NUDT14: variants seen among roughly 807,000 people sequenced by gnomAD.
NUDT14 encodes uridine diphosphate glucose pyrophosphatase NUDT14.
Under a neutral mutation model 17.5 loss-of-function variants are expected in NUDT14, and 22 were observed. The observed-to-expected ratio is 1.26, with a 90% CI of 0.90 to 1.80. NUDT14 has a LOEUF of 1.80. Ranked by LOEUF, NUDT14 falls within the 40% of genes most tolerant of loss-of-function variation. The pLI, the probability that NUDT14 is intolerant of heterozygous loss-of-function variation, is 0.00. For missense variants in NUDT14, 296 were observed against 295.6 expected (o/e 1.00, Z -0.01); for synonymous variants, 129 against 125.8 (o/e 1.03, Z -0.17).
At chr14:105,175,232 C>T (rs1359834003) in intron 4 of NUDT14, among the ~76,000 whole-genome samples, 1 of 152,214 alleles carries the variant, frequency 6.6e-6, no homozygotes, top group Non-Finnish European at 1.5e-5. Flanking sequence ...AAGGGGACTC[C>T]AGCCCCTCCC....
rs1227721081 is a variant in NUDT14 at position 105,176,346 on chromosome 14, A to T, written c.428+188T>A. On this transcript the variant is annotated intron_variant, in intron 4 of 4. Transcript: ENST00000392568. ...GGGGCATGGGGCCGAGACGCTGCAGAGAGAGCCCCAAGAGCCCAGATTCTG... is the reference window on the plus strand; with the variant it reads ...GGGGCATGGGGCCGAGACGCTGCAGTGAGAGCCCCAAGAGCCCAGATTCTG... The T allele has an allele frequency of 7.1e-5, 44 of 620,886 alleles. No homozygotes were observed. The East Asian group carries it at 1.2e-3, about 17-fold the overall frequency. The allele number at this position is 620,886 out of a possible 1,614,324, so 38.5% of individuals were successfully genotyped here.
intron 4 of NUDT14, among the ~76,000 whole-genome samples, chr14:105,174,515 C>T (rs1011158658): frequency 1.3e-5 from 2 of 152,160 alleles, no homozygotes; most frequent in African/African-American, 2.4e-5. Flanking sequence ...TTCCATGCCC[C>T]ACCCCCAAGG....
Position 105,173,199 on chromosome 14 carries a change from TG to T in NUDT14, c.490del (p.Gln164SerfsTer65). The T allele has an allele frequency of 1.2e-6, 2 of 1,609,724 alleles. No homozygotes were observed. The highest frequency in any genetic ancestry group is 1.7e-6 in the Non-Finnish European group (2 of 1,178,674). ...CAGGCCCCCACCTGGACCGCTACGC[TG>T]GGCATCTGTCACCTCTGTGTAGAAC... The part of the protein sequence containing the change: ...TMFYTEVTDA[Q>X]RSGPGGGLVE... On this transcript the variant is annotated frameshift_variant, in exon 5 of 5. Transcript: ENST00000392568. LOFTEE classifies it low-confidence loss of function (END_TRUNC). This position sits in a 1 kb window ranked among gnomAD's most constrained non-coding sequence, Gnocchi z 4.7.
chr14:105,178,074 ATGGAGGCTCG>A (rs1674786391), intron 1 of NUDT14, among the ~76,000 whole-genome samples: 1 of 152,090 alleles, frequency 6.6e-6, no homozygotes, highest in South Asian at 2.1e-4. Flanking sequence ...AGGAAGGCTC[ATGGAGGCTCG>A]GGGAGGGCAG....
At chr14:105,176,038 C>T (rs1889205445) in intron 4 of NUDT14, 2 of 1,213,240 alleles carry the variant, frequency 1.6e-6, no homozygotes, top group Non-Finnish European at 2.1e-6. Context: ...GGAAGGCAAC[C>T]CCACCCCAGC....
chr14:105,175,658 C>T (rs1244589895), intron 4 of NUDT14: 1 of 960,472 alleles, frequency 1.0e-6, no homozygotes, highest in Admixed American at 6.1e-5. Flanking sequence ...CCTCGGCCTC[C>T]CAAAGTGCTG....
chr14:105,178,541 G>A (rs918289054), intron 1 of NUDT14, among the ~76,000 whole-genome samples: 4 of 152,168 alleles, frequency 2.6e-5, no homozygotes, highest in Non-Finnish European at 5.9e-5. Context: ...TGGGCCTGCT[G>A]GGGGAGGCTG....
At chr14:105,180,692 C>T (rs1371802688) in intron 1 of NUDT14, among the ~76,000 whole-genome samples, 2 of 152,204 alleles carry the variant, frequency 1.3e-5, no homozygotes, top group Admixed American at 6.5e-5. Flanking sequence ...TCACTCAGCT[C>T]CTTCTCCTAC....
intron 1 of NUDT14, among the ~76,000 whole-genome samples, chr14:105,179,100 C>A (rs587689961): frequency 1.3e-5 from 2 of 152,268 alleles, no homozygotes; most frequent in Admixed American, 1.3e-4. Context: ...TGCTTCCCCC[C>A]GAGTAACATC....
At chr14:105,177,109 C>A in intron 2 of NUDT14, 82 bp from the exon 3 acceptor site, 2 of 1,345,748 alleles carry the variant, frequency 1.5e-6, no homozygotes, top group Middle Eastern at 1.8e-4. Context: ...CTGTTCCCAG[C>A]GTGGCCATCC....
intron 4 of NUDT14, among the ~76,000 whole-genome samples, chr14:105,174,674 G>A (rs1889174099): frequency 6.6e-6 from 1 of 152,164 alleles, no homozygotes; most frequent in Admixed American, 6.5e-5. Flanking sequence ...GGCGGGTCTG[G>A]GGTTTCCAGC....
intron 4 of NUDT14, 36 bp downstream of exon 4, chr14:105,176,498 G>A: frequency 6.5e-7 from 1 of 1,533,800 alleles, no homozygotes; most frequent in Non-Finnish European, 9.0e-7. Context: ...CATCTCCTGA[G>A]TCACACCACA....
chr14:105,177,370 C>T lies in NUDT14; in HGVS notation c.125+322G>A, dbSNP rs1374703311. The T allele has an allele frequency of 1.6e-5, 9 of 549,816 alleles. No homozygotes were observed. The Admixed American group carries it at 2.7e-4, about 16-fold the overall frequency. The allele number at this position is 549,816 out of a possible 1,614,324, so 34.1% of individuals were successfully genotyped here. ...TCACTGAGCAGCTGCCCACCAGCCA[C>T]ACTCCTCGAGCCACGTCGCCATCCA... On this transcript the variant is annotated intron_variant, in intron 2 of 4. Coordinates refer to ENST00000392568, the MANE Select transcript of NUDT14 (RefSeq NM_177533.5).
chr14:105,174,394 C>T (rs942002169), intron 4 of NUDT14, among the ~76,000 whole-genome samples: 14 of 152,058 alleles, frequency 9.2e-5, no homozygotes, highest in African/African-American at 2.9e-4. Flanking sequence ...CCTGGCTCGC[C>T]GCAGGAGGGG....
At chr14:105,180,604 GA>G (rs1256624328) in intron 1 of NUDT14, among the ~76,000 whole-genome samples, 2 of 152,144 alleles carry the variant, frequency 1.3e-5, no homozygotes, top group East Asian at 3.8e-4. Flanking sequence ...AGCTTAGGCA[GA>G]TGGAGACTCC....
chr14:105,177,216 G>T, intron 2 of NUDT14, 189 bp from the exon 3 acceptor site: 1 of 659,734 alleles, frequency 1.5e-6, no homozygotes, highest in Non-Finnish European at 2.7e-6. Flanking sequence ...TCACAGTCTG[G>T]CCAGGACCCA....
chr14:105,176,559 C>T lies in NUDT14; in HGVS notation c.403G>A (p.Asp135Asn). ...CAGTATGTGGCGACCCGGCGCAGAT[C>T]AGAGGGGGCCAAGTGGTAGCCACAC... ...EECGYHLAPS[D>N]LRRVATYWSG... Residue 135 changes from aspartate (D) to asparagine (N), a missense_variant, in exon 4 of 5, where the codon GAT becomes AAT. Asp to Asn is a conservative substitution (Grantham distance 23). Transcript: ENST00000392568. 4.3e-6 allele frequency: 7 copies of T among 1,612,734 alleles called. No homozygotes were observed. The highest frequency in any genetic ancestry group is 5.9e-6 in the Non-Finnish European group (7 of 1,179,914).
At chr14:105,176,237 G>A (rs1005207435) in intron 4 of NUDT14, among the ~76,000 whole-genome samples, 6 of 152,238 alleles carry the variant, frequency 3.9e-5, no homozygotes, top group East Asian at 1.9e-4. Flanking sequence ...CCCAGCGCCC[G>A]GTCTTAATCC....
In NUDT14 at chr14:105,173,235, C is replaced by A; in HGVS notation, c.455G>T (p.Arg152Ile). 6.3e-7 allele frequency: 1 copy of A among 1,589,146 alleles called. No homozygotes were observed. The highest frequency in any genetic ancestry group is 8.6e-7 in the Non-Finnish European group (1 of 1,169,150). ...CACCTCTGTGTAGAACATGGTCTGT[C>A]TGGAGCCAGTCAGTCCCACTCCAGA... The part of the protein sequence containing the change: ...YWSGVGLTGS[R>I]QTMFYTEVTD... The change falls in exon 5 of 5, where the codon AGA becomes ATA. Residue 152 changes from arginine (R) to isoleucine (I), a missense_variant. Coordinates refer to ENST00000392568, the MANE Select transcript of NUDT14 (RefSeq NM_177533.5). This position sits in a 1 kb window ranked among gnomAD's most constrained non-coding sequence, Gnocchi z 4.7.
Sources: gnomAD v4.1 joint callset for allele counts (sites outside exome capture counted in the v4.1 genomes callset) on GRCh38, gnomAD v4.1.1 for gene constraint, Gnocchi (gnomAD v3.1) non-coding constraint, MANE v1.5 for transcripts, NCBI Gene and HGNC (gene_info 2026-07-23, HGNC 2026-07-21) for gene names.